CSMD1: variants seen among roughly 807,000 people sequenced by gnomAD.
CSMD1 encodes CUB and sushi domain-containing protein 1.
In CSMD1, 213 loss-of-function variants were observed where a neutral mutation model predicts 417.5. The observed-to-expected ratio is 0.51, with a 90% CI of 0.46 to 0.57. CSMD1 has a LOEUF of 0.57. Among genes scored for constraint, CSMD1 ranks in the 20% least tolerant of loss-of-function variants. CSMD1 has a pLI of 0.00. For missense variants in CSMD1, 6,923 were observed against 4,529.7 expected (o/e 1.53, Z -15.17); for synonymous variants, 2,862 against 1,736.8 (o/e 1.65, Z -16.11).
chr8:3,490,202 C>T, intron 11 of CSMD1, among the ~76,000 whole-genome samples: 1 of 151,962 alleles, frequency 6.6e-6, no homozygotes, highest in East Asian at 1.9e-4. Flanking sequence ...AAATGCCCAG[C>T]TGATCCCGGC....
In CSMD1 at chr8:4,418,031, T is replaced by G. The variant is rs142212588; in HGVS notation, c.415+1922A>C. On this transcript the variant is annotated intron_variant, in intron 3 of 69. Transcript: ENST00000635120. ...TCTCCAAATAACGCACACTCATTTT[T>G]GCAGGAGACCTGGAAGCTAACTGAT... Among the ~76,000 whole-genome samples the G allele has an allele frequency of 1.1e-4, 16 of 152,174 alleles. No homozygotes were observed. In the East Asian group the frequency reaches 3.1e-3, roughly 29 times the overall value.
chr8:3,628,677 G>C (rs536500701), intron 7 of CSMD1, among the ~76,000 whole-genome samples: 134 of 152,166 alleles, frequency 8.8e-4, no homozygotes, highest in African/African-American at 3.1e-3. Context: ...GGCGCCCCGA[G>C]AAGGGGCAGA....
chr8:4,637,580 A>C (rs889122177), intron 1 of CSMD1, 22 bp from the exon 2 acceptor site: 10 of 1,553,084 alleles, frequency 6.4e-6, no homozygotes, highest in South Asian at 1.1e-5. Flanking sequence ...AACACACACA[A>C]AAAAGCATAT....
intron 10 of CSMD1, among the ~76,000 whole-genome samples, chr8:3,514,005 T>A (rs1797185986): frequency 6.6e-6 from 1 of 152,210 alleles, no homozygotes; most frequent in African/African-American, 2.4e-5. Flanking sequence ...GCCTTCTTTT[T>A]ATCGTACAGA....
intron 2 of CSMD1, among the ~76,000 whole-genome samples, chr8:4,628,591 C>A (rs1802302739): frequency 7.9e-6 from 1 of 126,192 alleles, no homozygotes; most frequent in Non-Finnish European, 1.7e-5. Context: ...ACAGAGAACA[C>A]ACACAGGAAA....
intron 7 of CSMD1, among the ~76,000 whole-genome samples, chr8:3,653,040 T>C (rs1006010376): frequency 3.3e-5 from 5 of 152,180 alleles, no homozygotes; most frequent in African/African-American, 4.8e-5. Flanking sequence ...AAGACACAAA[T>C]GTTTTCTATC....
At chr8:4,367,196 T>C (rs1802124756) in intron 3 of CSMD1, among the ~76,000 whole-genome samples, 1 of 152,220 alleles carries the variant, frequency 6.6e-6, no homozygotes, top group Non-Finnish European at 1.5e-5. Context: ...TTGAATCCTT[T>C]AATCCATCTG....
At chr8:3,367,301 G>C in intron 19 of CSMD1, 54 bp from the exon 20 acceptor site, 1 of 1,260,016 alleles carries the variant, frequency 7.9e-7, no homozygotes, top group South Asian at 1.3e-5. Context: ...CACACGGGGC[G>C]GCGGGGGCAG....
At chr8:4,735,818 A>C (rs74904814) in intron 1 of CSMD1, among the ~76,000 whole-genome samples, 1 of 152,154 alleles carries the variant, frequency 6.6e-6, no homozygotes, top group Non-Finnish European at 1.5e-5. Flanking sequence ...TAGATCTTCA[A>C]TGGTGGTTCT....
chr8:4,402,093 T>C (rs73658849), intron 3 of CSMD1, among the ~76,000 whole-genome samples: 1 of 152,042 alleles, frequency 6.6e-6, no homozygotes, highest in African/African-American at 2.4e-5. Flanking sequence ...CTCAACCTCC[T>C]CCCCTTCCGA....
intron 5 of CSMD1, among the ~76,000 whole-genome samples, chr8:3,756,496 A>C (rs1000314359): frequency 6.6e-6 from 1 of 152,226 alleles, no homozygotes; most frequent in Non-Finnish European, 1.5e-5. Context: ...ACTGAAATTA[A>C]GCACAGAAGC....
intron 1 of CSMD1, among the ~76,000 whole-genome samples, chr8:4,965,846 G>C (rs1459384228): frequency 3.9e-5 from 6 of 152,068 alleles, no homozygotes; most frequent in Admixed American, 2.0e-4. Context: ...ATGTTGATTG[G>C]AGGATAAACA....
intron 11 of CSMD1, among the ~76,000 whole-genome samples, chr8:3,470,894 A>T (rs190746702): frequency 1.3e-5 from 2 of 152,310 alleles, no homozygotes; most frequent in East Asian, 3.9e-4. Context: ...TGTTGTGGAT[A>T]TACCACAGCT....
chr8:4,666,382 G>A (rs979520478), intron 1 of CSMD1, among the ~76,000 whole-genome samples: 1 of 152,142 alleles, frequency 6.6e-6, no homozygotes, highest in African/African-American at 2.4e-5. Context: ...GTGAAAGTGA[G>A]TCAACATGAT....
chr8:3,710,520 G>A (rs4433172), intron 6 of CSMD1, among the ~76,000 whole-genome samples: 50,213 of 151,986 alleles, frequency 0.33, 8,465 homozygotes, highest in East Asian at 0.49. Flanking sequence ...AGAGGGCTGG[G>A]CTTAGGTGGA....
At chr8:4,662,347 G>T (rs569885676) in intron 1 of CSMD1, among the ~76,000 whole-genome samples, 73 of 152,252 alleles carry the variant, frequency 4.8e-4, no homozygotes, top group Non-Finnish European at 7.9e-4. Flanking sequence ...CAGAGGGGGC[G>T]ATTTATAGGA....
At chr8:4,438,766 G>A (rs780122034) in intron 2 of CSMD1, among the ~76,000 whole-genome samples, 1 of 152,186 alleles carries the variant, frequency 6.6e-6, no homozygotes, top group East Asian at 1.9e-4. Flanking sequence ...CAAACCATGT[G>A]CCCTGAATCA....
chr8:4,816,608 C>G (rs1799223275), intron 1 of CSMD1, among the ~76,000 whole-genome samples: 1 of 152,160 alleles, frequency 6.6e-6, no homozygotes, highest in Non-Finnish European at 1.5e-5. Flanking sequence ...GTCGAGGAAC[C>G]AGGCGAACCA....
chr8:4,760,697 TTACTC>T (rs1202519098), intron 1 of CSMD1, among the ~76,000 whole-genome samples: 1 of 152,168 alleles, frequency 6.6e-6, no homozygotes, highest in Non-Finnish European at 1.5e-5. Context: ...TTCTTCAAAT[TTACTC>T]TAATAAAAGG....
Sources: allele counts gnomAD v4.1 joint callset (sites outside exome capture counted in the v4.1 genomes callset), GRCh38; gene constraint gnomAD v4.1.1; transcripts MANE v1.5; gene names NCBI Gene and HGNC (gene_info 2026-07-23, HGNC 2026-07-21).